The following SPATA9 variants were observed in gnomAD, a reference collection of about 807,000 sequenced individuals.
SPATA9 encodes spermatogenesis-associated protein 9.
SPATA9 carries 27 observed loss-of-function variants against 25.5 expected under a neutral mutation model. The ratio of observed to expected loss-of-function variants is 1.06; its 90% CI spans 0.78 to 1.46. The LOEUF (loss-of-function observed/expected upper bound fraction) is 1.46. Ranked by LOEUF, SPATA9 falls within the 40% of genes most tolerant of loss-of-function variation. The pLI is 0.00. For missense variants in SPATA9, 282 were observed against 297.5 expected, an observed-to-expected ratio of 0.95 and a Z score of 0.38; for synonymous variants, 102 against 105.7, an observed-to-expected ratio of 0.97 and a Z score of 0.21.
chr5:95,731,031 T>C, the SPATA9 span: 1 of 972,570 alleles, frequency 1.0e-6, no homozygotes, highest in Non-Finnish European at 1.4e-6. Flanking sequence ...CCCACCCCCC[T>C]TTCCTGGCTC....
intron 1 of SPATA9, among the ~76,000 whole-genome samples, chr5:95,698,303 T>C (rs1316447518): frequency 6.6e-6 from 1 of 151,962 alleles, no homozygotes; most frequent in Non-Finnish European, 1.5e-5. Context: ...CATGTTATGG[T>C]CTAGACTAAA....
Position 95,675,507 on chromosome 5 carries a change from G to A in SPATA9, c.283C>T (p.Pro95Ser), listed in dbSNP as rs1426239452. The A allele has an allele frequency of 1.2e-6, 2 of 1,614,176 alleles. No homozygotes were observed. The highest frequency in any genetic ancestry group is 2.2e-5 in the South Asian group (2 of 91,086). The part of the protein sequence containing the change: ...SSKSVAKLLH[P>S]QLACRLLELR... ...TCTAAAAGTCTGCATGCAAGCTGAG[G>A]ATGCAGAAGTTTGGCCACTGATTTG... The change falls in exon 3 of 5, where the codon CCT becomes TCT. Residue 95 changes from proline to serine, a missense_variant. Pro to Ser is a moderately conservative substitution (Grantham distance 74). Transcript: ENST00000274432.
At chr5:95,682,267 C>A (rs1044219648) in intron 2 of SPATA9, among the ~76,000 whole-genome samples, 5 of 152,140 alleles carry the variant, frequency 3.3e-5, no homozygotes, top group Non-Finnish European at 7.4e-5. Context: ...TGTTGAGAGA[C>A]TGCCAGGTGT....
intron 1 of SPATA9, among the ~76,000 whole-genome samples, chr5:95,695,985 T>C (rs1754011826): frequency 6.6e-6 from 1 of 152,194 alleles, no homozygotes; most frequent in Non-Finnish European, 1.5e-5. Flanking sequence ...TTGAGAGCTG[T>C]CCTATGGAAA....
chr5:95,688,982 A>G (rs886611693), intron 1 of SPATA9, among the ~76,000 whole-genome samples: 1 of 152,224 alleles, frequency 6.6e-6, no homozygotes, highest in Admixed American at 6.5e-5. Flanking sequence ...CAACTAACAT[A>G]TATGTAAATG....
chr5:95,667,453 T>C (rs1751931693), intron 3 of SPATA9, among the ~76,000 whole-genome samples: 2 of 152,140 alleles, frequency 1.3e-5, no homozygotes, highest in Admixed American at 6.5e-5. Context: ...ACCTGCAGCA[T>C]TTCCCAGAAT....
the SPATA9 span, chr5:95,730,980 A>T: frequency 1.8e-6 from 1 of 560,276 alleles, no homozygotes; most frequent in Non-Finnish European, 3.1e-6. Context: ...AGCTTCCCTA[A>T]CCTCCTTTTT....
intron 1 of SPATA9, among the ~76,000 whole-genome samples, chr5:95,691,060 C>T (rs2548136): frequency 0.33 from 50,259 of 151,542 alleles, 9,140 homozygotes; most frequent in Non-Finnish European, 0.41. Flanking sequence ...ACTAAAAATA[C>T]AAAAAATTAG....
At chr5:95,653,943 G>C (rs866749281), downstream of SPATA9, 3 of 667,120 alleles carry the variant, frequency 4.5e-6, no homozygotes, top group Non-Finnish European at 7.7e-6. Flanking sequence ...TATAGCTACA[G>C]AAAGTGCCTC....
At chr5:95,671,922 T>A (rs1355748903) in intron 3 of SPATA9, among the ~76,000 whole-genome samples, 3 of 148,568 alleles carry the variant, frequency 2.0e-5, no homozygotes, top group African/African-American at 5.0e-5. Flanking sequence ...TTAAAAAAAG[T>A]AAAAAAAAAC....
In SPATA9 at chr5:95,675,414, G is replaced by T. The variant is rs769177418; in HGVS notation, c.376C>A (p.Gln126Lys). The T allele has an allele frequency of 7.8e-5, 125 of 1,610,922 alleles. No homozygotes were observed. The highest frequency in any genetic ancestry group is 1.0e-4 in the Non-Finnish European group (121 of 1,178,182). The change falls in exon 3 of 5, where the codon CAG becomes AAG. Residue 126 changes from glutamine to lysine, a missense_variant and splice_region_variant. By Grantham distance (53) the Gln-to-Lys change is moderately conservative. Coordinates refer to ENST00000274432, the MANE Select transcript of SPATA9 (RefSeq NM_031952.4). ...GTGCATATGCAGTATTCCCTTACCT[G>T]AATGTTATATAGGGGTTGCCTCGGC... ...NAPRQPLYNIQVRKGSLFEII... is the reference protein window; with the variant it reads ...NAPRQPLYNIKVRKGSLFEII...
At chr5:95,721,937 C>A in the SPATA9 span, among the ~76,000 whole-genome samples, 1 of 151,982 alleles carries the variant, frequency 6.6e-6, no homozygotes, top group African/African-American at 2.4e-5. Context: ...AAGGAAAAAT[C>A]TCTAAGAAAA....
At chr5:95,715,092 A>G in the SPATA9 span, among the ~76,000 whole-genome samples, 22 of 152,084 alleles carry the variant, frequency 1.4e-4, no homozygotes, top group South Asian at 4.1e-4. Context: ...TTGGGAGGCC[A>G]AGGCGGGCAG....
At chr5:95,730,778 G>A in the SPATA9 span, 3 of 418,448 alleles carry the variant, frequency 7.2e-6, no homozygotes, top group Non-Finnish European at 1.4e-5. Flanking sequence ...AAATTAATTG[G>A]TGTGTGAACA....
chr5:95,659,673 C>T (rs192079636), intron 4 of SPATA9: 279 of 152,184 alleles, frequency 1.8e-3, no homozygotes, highest in African/African-American at 6.4e-3. Context: ...GAAGGTTTTC[C>T]GAAAGAGGTA....
chr5:95,726,224 G>GT, the SPATA9 span, among the ~76,000 whole-genome samples: 6 of 152,110 alleles, frequency 3.9e-5, no homozygotes, highest in Admixed American at 3.3e-4. Flanking sequence ...GAATGCAGTT[G>GT]TTTTTTTCCA....
In SPATA9 at chr5:95,658,831, C is replaced by G. The variant is rs1750975604; in HGVS notation, c.557G>C (p.Ser186Thr). ...AGAAAAGGCTTTTCTACAATTTTCA[C>G]TCTCCTCTCTGTTTTGCCTTATGGA... ...EESIRQNREE[S>T]ENCRKAFSEP... The change falls in exon 5 of 5, where the codon AGT becomes ACT. Residue 186 changes from serine (S) to threonine (T), a missense_variant. By Grantham distance (58) the Ser-to-Thr change is moderately conservative. Transcript: ENST00000274432. The G allele has an allele frequency of 8.1e-6, 13 of 1,613,836 alleles. No individual in the cohort carries two copies. The highest frequency in any genetic ancestry group is 9.3e-6 in the Non-Finnish European group (11 of 1,179,918).
chr5:95,658,962 AACC>A, intron 4 of SPATA9, 49 bp from the exon 5 acceptor site: 1 of 1,537,492 alleles, frequency 6.5e-7, no homozygotes, highest in Non-Finnish European at 8.7e-7. Context: ...TTAAGCTACT[AACC>A]ACAGATTAAA....
At chr5:95,712,446 C>T in the SPATA9 span, among the ~76,000 whole-genome samples, 3 of 152,196 alleles carry the variant, frequency 2.0e-5, no homozygotes, top group Non-Finnish European at 4.4e-5. Context: ...CAACTTTCTC[C>T]TTGTTCACTG....
Sources: gnomAD v4.1 joint callset for allele counts (sites outside exome capture counted in the v4.1 genomes callset) on GRCh38, gnomAD v4.1.1 for gene constraint, MANE v1.5 for transcripts, NCBI Gene and HGNC (gene_info 2026-07-23, HGNC 2026-07-21) for gene names.